The following EFNA5 variants were observed in gnomAD, a reference collection of about 807,000 sequenced individuals.
EFNA5 encodes the protein ephrin-A5.
In EFNA5, 5 loss-of-function variants were observed where a neutral mutation model predicts 22.9. The ratio of observed to expected loss-of-function variants is 0.22; its 90% CI spans 0.11 to 0.46. EFNA5 has a LOEUF of 0.46. EFNA5 is among the 20% of genes least tolerant of loss of function. The pLI, the probability that EFNA5 is intolerant of heterozygous loss-of-function variation, is 0.99. For synonymous variants in EFNA5, 113 were observed against 112.2 expected (o/e 1.01, Z -0.04); for missense variants, 237 against 293.3 (o/e 0.81, Z 1.40).
At chr5:107,504,315 C>T (rs11242639) in intron 1 of EFNA5, among the ~76,000 whole-genome samples, 5,487 of 151,976 alleles carry the variant, frequency 0.036, 339 homozygotes, top group African/African-American at 0.12. Flanking sequence ...ATGAAACTAG[C>T]ATTTTTCTTA....
At chr5:107,416,244 G>C (rs1453251511) in intron 2 of EFNA5, among the ~76,000 whole-genome samples, 1 of 152,172 alleles carries the variant, frequency 6.6e-6, no homozygotes, top group African/African-American at 2.4e-5. Context: ...TAGCTGTCTT[G>C]AGAACAGGGT....
chr5:107,429,853 T>G (rs1748901768), intron 1 of EFNA5, among the ~76,000 whole-genome samples: 1 of 152,184 alleles, frequency 6.6e-6, no homozygotes, highest in South Asian at 2.1e-4. Flanking sequence ...GAGATAAAAA[T>G]AATATGTATA....
intron 1 of EFNA5, among the ~76,000 whole-genome samples, chr5:107,654,730 G>A (rs551268441): frequency 6.6e-6 from 1 of 152,012 alleles, no homozygotes; most frequent in Non-Finnish European, 1.5e-5. Flanking sequence ...AAAATACATT[G>A]ACATAACTCA....
chr5:107,523,507 C>T (rs575750408), intron 1 of EFNA5, among the ~76,000 whole-genome samples: 10 of 152,266 alleles, frequency 6.6e-5, no homozygotes, highest in African/African-American at 2.4e-4. Context: ...AGGTGGAGAG[C>T]AGATGAATCA....
chr5:107,545,240 A>C, intron 1 of EFNA5, among the ~76,000 whole-genome samples: 1 of 152,274 alleles, frequency 6.6e-6, no homozygotes, highest in South Asian at 2.1e-4. Context: ...GTGTTGGTTC[A>C]GTAATATCGG....
intron 1 of EFNA5, among the ~76,000 whole-genome samples, chr5:107,595,174 G>A (rs556052620): frequency 1.3e-4 from 19 of 151,982 alleles, no homozygotes; most frequent in Middle Eastern, 3.4e-3. Flanking sequence ...CAGTTGGGTC[G>A]GTTTGAGAAT....
rs75758479 is a variant in EFNA5, at chr5:107,530,004, T to C, written c.126-102495A>G. On this transcript the variant is annotated intron_variant, in intron 1 of 4. Transcript: ENST00000333274. ...GGTTGAGTGCAAATTTTCTATCTTT[T>C]GGTCTTAAACAAGGGTTAGGATTTA... Among the ~76,000 whole-genome samples, 722 of 152,382 alleles carry C rather than the reference T, an allele frequency of 4.7e-3. 7 individuals carry two copies. The highest frequency in any genetic ancestry group is 0.017 in the African/African-American group (687 of 41,598).
At chr5:107,662,219 G>A (rs752508035) in intron 1 of EFNA5, among the ~76,000 whole-genome samples, 35 of 152,194 alleles carry the variant, frequency 2.3e-4, no homozygotes, top group Non-Finnish European at 3.1e-4. Context: ...CTTTAACCGC[G>A]ATACATGTAT....
At chr5:107,573,366 T>C (rs1354698185) in intron 1 of EFNA5, among the ~76,000 whole-genome samples, 3 of 152,064 alleles carry the variant, frequency 2.0e-5, no homozygotes, top group Admixed American at 6.6e-5. Flanking sequence ...CAGTGGAATA[T>C]AGGCCCCAAG....
At chr5:107,668,113 A>G (rs1751113926) in intron 1 of EFNA5, among the ~76,000 whole-genome samples, 1 of 152,220 alleles carries the variant, frequency 6.6e-6, no homozygotes, top group Admixed American at 6.5e-5. Flanking sequence ...TAAATTCCTA[A>G]GAATAATAAG....
intron 1 of EFNA5, among the ~76,000 whole-genome samples, chr5:107,429,024 C>A (rs924268757): frequency 6.6e-6 from 1 of 152,228 alleles, no homozygotes; most frequent in Non-Finnish European, 1.5e-5. Context: ...CCTCATCATT[C>A]TAGATTCTTG....
intron 2 of EFNA5, among the ~76,000 whole-genome samples, chr5:107,420,522 TAAAAAAAA>T (rs368304882): frequency 1.8e-5 from 2 of 109,068 alleles, no homozygotes; most frequent in African/African-American, 7.5e-5. Flanking sequence ...TCTGTGCTTT[TAAAAAAAA>T]AAAAAAAAAA....
intron 1 of EFNA5, among the ~76,000 whole-genome samples, chr5:107,492,621 C>T (rs972843413): frequency 2.6e-5 from 4 of 152,038 alleles, no homozygotes; most frequent in African/African-American, 9.7e-5. Context: ...GGCAAGACTC[C>T]CATTAGAGAA....
At chr5:107,391,117 C>G (rs780212299) in intron 2 of EFNA5, among the ~76,000 whole-genome samples, 34 of 152,170 alleles carry the variant, frequency 2.2e-4, no homozygotes, top group Non-Finnish European at 4.1e-4. Flanking sequence ...CGAGACTGAG[C>G]TACTGTACTC....
chr5:107,610,761 A>G (rs1749808230), intron 1 of EFNA5, among the ~76,000 whole-genome samples: 1 of 152,166 alleles, frequency 6.6e-6, no homozygotes, highest in Non-Finnish European at 1.5e-5. Flanking sequence ...TGTTCATTTT[A>G]TTCACATCTC....
At chr5:107,385,667 G>A (rs1207126747) in intron 4 of EFNA5, among the ~76,000 whole-genome samples, 1 of 152,168 alleles carries the variant, frequency 6.6e-6, no homozygotes, top group African/African-American at 2.4e-5. Flanking sequence ...CTCAGCCATA[G>A]AAGGAAGAGT....
At chr5:107,593,537 C>T (rs923976049) in intron 1 of EFNA5, among the ~76,000 whole-genome samples, 2 of 152,148 alleles carry the variant, frequency 1.3e-5, no homozygotes, top group Non-Finnish European at 2.9e-5. Flanking sequence ...AGGGGCTCCA[C>T]GCTGGCTGCA....
At chr5:107,625,178 T>G (rs898498742) in intron 1 of EFNA5, among the ~76,000 whole-genome samples, 2 of 152,164 alleles carry the variant, frequency 1.3e-5, no homozygotes, top group African/African-American at 4.8e-5. Flanking sequence ...AAGGAAACTT[T>G]TTAAAATTTT....
At chr5:107,479,737 CATTTTGCTAAGAGCTTTCCAGGT>C (rs1218539082) in intron 1 of EFNA5, among the ~76,000 whole-genome samples, 4 of 152,218 alleles carry the variant, frequency 2.6e-5, no homozygotes, top group Middle Eastern at 3.4e-3. Context: ...GTGTGACAGG[CATTTTGCTAAGAGCTTTCCAGGT>C]ATTATCTCAA....
Sources: gnomAD v4.1 joint callset for allele counts (sites outside exome capture counted in the v4.1 genomes callset) on GRCh38, gnomAD v4.1.1 for gene constraint, MANE v1.5 for transcripts, NCBI Gene and HGNC (gene_info 2026-07-23, HGNC 2026-07-21) for gene names.